Variants in UBN1 observed in about 807,000 individuals in gnomAD.
UBN1 encodes ubinuclein 1.
UBN1 carries 17 observed loss-of-function variants against 108.5 expected under a neutral mutation model. That is an observed-to-expected ratio of 0.16 (90% CI 0.11 to 0.24). UBN1 has a LOEUF of 0.24. UBN1 is among the 10% of genes least tolerant of loss of function. The pLI is 1.00. For missense variants in UBN1, 1,595 were observed against 1,394.4 expected, an observed-to-expected ratio of 1.14 and a Z score of -2.29; for synonymous variants, 726 against 564.2, an observed-to-expected ratio of 1.29 and a Z score of -4.07.
At chr16:4,853,538 A>G (rs2086652705) in intron 2 of UBN1, among the ~76,000 whole-genome samples, 1 of 148,656 alleles carries the variant, frequency 6.7e-6, no homozygotes, top group Non-Finnish European at 1.5e-5. Context: ...AAAAACACGT[A>G]GACTGCCTTT....
chr16:4,875,065 T>C lies in UBN1; in HGVS notation c.2655T>C (p.His885=). 1.2e-6 allele frequency: 2 copies of C among 1,614,010 alleles called. No homozygotes were observed. The highest frequency in any genetic ancestry group is 8.5e-7 in the Non-Finnish European group (1 of 1,180,046). Residue 885 remains histidine (H), a synonymous_variant, in exon 15 of 18, where the codon CAT becomes CAC. Transcript: ENST00000262376. The part of the protein sequence containing the change: ...TPASSSSALS[H]PAKPHSVSSA... ...CCTCGTCCTCTTCTGCCCTGAGCCATCCAGCAAAGCCACATTCAGTCAGCT... is the reference window on the plus strand; with the variant it reads ...CCTCGTCCTCTTCTGCCCTGAGCCACCCAGCAAAGCCACATTCAGTCAGCT...
chr16:4,867,975 A>C (rs759540245), intron 7 of UBN1, among the ~76,000 whole-genome samples: 4 of 152,194 alleles, frequency 2.6e-5, no homozygotes, highest in African/African-American at 7.2e-5. Context: ...CAGTGTTCCC[A>C]GGGTTGCTTT....
chr16:4,879,112 T>C (rs1435065465), intron 17 of UBN1, among the ~76,000 whole-genome samples: 1 of 152,208 alleles, frequency 6.6e-6, no homozygotes, highest in African/African-American at 2.4e-5. Flanking sequence ...GTAGGGTGAC[T>C]GTAGTTAACA....
At chr16:4,848,511 G>A (rs1747161034) in intron 1 of UBN1, 1 of 152,180 alleles carries the variant, frequency 6.6e-6, no homozygotes, top group Non-Finnish European at 1.5e-5. Context: ...CAAAGGTGGC[G>A]AGTCGACACG....
rs2087924337 is a variant in UBN1, at chr16:4,877,196, T to C, written c.3265+85T>C. ...CTGCTGTTGTGTACTCTGGTTCCTG[T>C]GTTTGAGTCTGGTGTGTGACTGTGG... On this transcript the variant is annotated intron_variant, in intron 16 of 17. Transcript: ENST00000262376. This position sits in a 1 kb window ranked among gnomAD's most constrained non-coding sequence, Gnocchi z 4.3. 3.9e-6 allele frequency: 6 copies of C among 1,526,274 alleles called. No individual in the cohort carries two copies. The highest frequency in any genetic ancestry group is 4.4e-6 in the Non-Finnish European group (5 of 1,140,852). The allele number at this position is 1,526,274 out of a possible 1,614,324, so 94.5% of individuals were successfully genotyped here.
chr16:4,876,203 C>T (rs1368254960), intron 15 of UBN1, among the ~76,000 whole-genome samples: 1 of 152,010 alleles, frequency 6.6e-6, no homozygotes, highest in Admixed American at 6.6e-5. Context: ...CGTGATCTGC[C>T]CGCCTCGGCC....
intron 7 of UBN1, among the ~76,000 whole-genome samples, chr16:4,866,803 C>T (rs940222874): frequency 1.2e-4 from 19 of 152,190 alleles, no homozygotes; most frequent in African/African-American, 4.1e-4. Context: ...TGAGCCACCG[C>T]GCCGGGCCAA....
intron 7 of UBN1, 113 bp downstream of exon 7, chr16:4,861,215 G>A: frequency 8.1e-7 from 1 of 1,232,862 alleles, no homozygotes; most frequent in Non-Finnish European, 1.1e-6. Context: ...TGGCAGTTAA[G>A]GTGTCAGCTT....
Position 4,870,796 on chromosome 16 carries a change from G to A in UBN1, c.1431-48G>A, listed in dbSNP as rs768420344. On this transcript the variant is annotated intron_variant, in intron 10 of 17. Transcript: ENST00000262376. Reference sequence around the variant, plus strand: ...GTAGTGCAGAGTGAGGGGAGAGGCGGTGGGCAGGAGCACCTTGGGGCCCCA... The same window carrying A: ...GTAGTGCAGAGTGAGGGGAGAGGCGATGGGCAGGAGCACCTTGGGGCCCCA... 15 of 1,610,026 alleles carry A rather than the reference G, an allele frequency of 9.3e-6. No individual in the cohort carries two copies. In the South Asian group the frequency reaches 1.5e-4, roughly 17 times the overall value.
At chr16:4,860,569 GGA>G in intron 6 of UBN1, 93 bp from the exon 7 acceptor site, 2 of 1,284,780 alleles carry the variant, frequency 1.6e-6, no homozygotes, top group Non-Finnish European at 2.1e-6. Flanking sequence ...AGGTTCTCCT[GGA>G]GACCATGACC....
intron 5 of UBN1, 94 bp from the exon 6 acceptor site, chr16:4,859,771 G>A: frequency 6.4e-7 from 1 of 1,557,592 alleles, no homozygotes; most frequent in Middle Eastern, 1.7e-4. Flanking sequence ...CAGGTCTCAG[G>A]ATGTGCCCCG....
chr16:4,854,601 A>T (rs2086711232), intron 2 of UBN1, among the ~76,000 whole-genome samples: 1 of 145,418 alleles, frequency 6.9e-6, no homozygotes, highest in African/African-American at 2.6e-5. Flanking sequence ...CCTGACCTCA[A>T]GTGATCCACC....
At chr16:4,852,749 A>G (rs1258187585) in intron 1 of UBN1, 130 bp from the exon 2 acceptor site, 37 of 1,037,262 alleles carry the variant, frequency 3.6e-5, no homozygotes, top group Non-Finnish European at 4.7e-5. Flanking sequence ...GAAAAAAACA[A>G]TAAATGACAA....
rs1876359 is a variant in UBN1, at chr16:4,880,099, C to G, written c.3372C>G (p.His1124Gln). The change falls in exon 18 of 18, where the codon CAC becomes CAG. Residue 1124 changes from histidine (H) to glutamine (Q), a missense_variant. Physicochemically the swap from His to Gln is conservative, Grantham distance 24. This residue lies in a region of UBN1 where 1,398 missense variants were observed against 1,194.7 expected (regional missense o/e 1.17). Transcript: ENST00000262376. ...PQSLPGASQL[H>Q]GKGPAVPRKL is the part of the protein sequence containing the mutation. ...CTTTTCCAGGTGCTTCTCAGCTTCACGGGAAAGGGCCTGCTGTACCACGGA... is the reference window on the plus strand; with the variant it reads ...CTTTTCCAGGTGCTTCTCAGCTTCAGGGGAAAGGGCCTGCTGTACCACGGA... The G allele has an allele frequency of 2.6e-5, 42 of 1,613,536 alleles. 2 individuals carry two copies. The South Asian group carries it at 4.4e-4, about 17-fold the overall frequency.
chr16:4,872,129 A>G, intron 12 of UBN1: 1 of 932,092 alleles, frequency 1.1e-6, no homozygotes, highest in Non-Finnish European at 1.3e-6. Flanking sequence ...ATTGGACTCG[A>G]ATCATCTGTT....
intron 12 of UBN1, chr16:4,872,045 C>A: frequency 3.1e-6 from 1 of 324,786 alleles, no homozygotes; most frequent in Non-Finnish European, 4.4e-6. Context: ...CTACCTTGTA[C>A]GAAGTCACTT....
chr16:4,849,885 G>A (rs994767765), intron 1 of UBN1, among the ~76,000 whole-genome samples: 1 of 140,482 alleles, frequency 7.1e-6, no homozygotes, highest in Non-Finnish European at 1.5e-5. Flanking sequence ...AGTTGAGGCT[G>A]CAGTGAGCTC....
chr16:4,859,920 C>T lies in UBN1; in HGVS notation c.623C>T (p.Thr208Ile). The change falls in exon 6 of 18, where the codon ACT (threonine) becomes ATT (isoleucine). Residue 208 changes from threonine to isoleucine, a missense_variant. This residue lies in a region of UBN1 where 1,398 missense variants were observed against 1,194.7 expected (regional missense o/e 1.17). Transcript: ENST00000262376. Reference protein sequence around the residue: ...EKIKKKKKDDTYDKEKKSKKS... With the variant: ...EKIKKKKKDDIYDKEKKSKKS... ...ATAAAGAAGAAGAAAAAAGATGACACTTATGACAAGGAGAAGAAATCGAAA... is the reference window on the plus strand; with the variant it reads ...ATAAAGAAGAAGAAAAAAGATGACATTTATGACAAGGAGAAGAAATCGAAA... The T allele has an allele frequency of 6.2e-7, 1 of 1,614,138 alleles. No homozygotes were observed. The highest frequency in any genetic ancestry group is 8.5e-7 in the Non-Finnish European group (1 of 1,180,024).
At chr16:4,872,695 C>T (rs2142261163) in intron 12 of UBN1, among the ~76,000 whole-genome samples, 189 bp from the exon 13 acceptor site, 1 of 152,288 alleles carries the variant, frequency 6.6e-6, no homozygotes, top group East Asian at 1.9e-4. Context: ...TCTCGAACTC[C>T]TGACCTCAGG....
Sources: allele counts gnomAD v4.1 joint callset (sites outside exome capture counted in the v4.1 genomes callset), GRCh38; gene constraint gnomAD v4.1.1; regional missense constraint gnomAD v4.1.1; non-coding constraint Gnocchi (gnomAD v3.1); transcripts MANE v1.5; gene names NCBI Gene and HGNC (gene_info 2026-07-23, HGNC 2026-07-21).